Variants in SHTN1 observed in about 807,000 individuals in gnomAD.
SHTN1 encodes shootin-1.
A neutral mutation model predicts 83.1 loss-of-function variants in SHTN1; 42 were observed. The ratio of observed to expected loss-of-function variants is 0.51; its 90% CI spans 0.39 to 0.65. The LOEUF (loss-of-function observed/expected upper bound fraction) is 0.65, where lower values mean the gene tolerates loss of function less well. Among genes scored for constraint, SHTN1 ranks in the 30% least tolerant of loss-of-function variants. The pLI, the probability that SHTN1 is intolerant of heterozygous loss-of-function variation, is 0.00. For missense variants in SHTN1, 622 were observed against 737.8 expected (o/e 0.84, Z 1.82); for synonymous variants, 224 against 247.7 (o/e 0.90, Z 0.90).
At position 117,108,042 on chromosome 10, in the gene SHTN1, G is replaced by A. The variant is rs114405526; in HGVS notation, c.-189+18265C>T. ...TATCTTGAGCCGCCCAATGTTTGTC[G>A]TTTATGAAAAGTAGGATGAACCTAG... On this transcript the variant is annotated intron_variant, in intron 1 of 17. Coordinates refer to the SHTN1 transcript ENST00000392901. 5.0e-3 allele frequency among the ~76,000 whole-genome samples: 760 copies of A among 152,208 alleles called. 10 individuals are homozygous for A. The highest frequency in any genetic ancestry group is 0.017 in the African/African-American group (707 of 41,514).
At chr10:117,047,264 A>C (rs1319579056) in intron 2 of SHTN1, among the ~76,000 whole-genome samples, 3 of 151,990 alleles carry the variant, frequency 2.0e-5, no homozygotes, top group Non-Finnish European at 2.9e-5. Context: ...GTGAGGTTTC[A>C]CCATCTTGGC....
intron 1 of SHTN1, among the ~76,000 whole-genome samples, chr10:117,069,808 C>T (rs1042454909): frequency 6.6e-6 from 1 of 152,050 alleles, no homozygotes; most frequent in South Asian, 2.1e-4. Flanking sequence ...ATGGATGAGA[C>T]AGTGATTTAT....
intron 1 of SHTN1, among the ~76,000 whole-genome samples, chr10:117,108,752 T>C (rs1853714565): frequency 6.6e-6 from 1 of 152,052 alleles, no homozygotes; most frequent in Non-Finnish European, 1.5e-5. Context: ...CGTATTACCA[T>C]GGATACATAC....
chr10:117,027,911 A>G (rs1852353887), intron 2 of SHTN1, among the ~76,000 whole-genome samples: 1 of 152,324 alleles, frequency 6.6e-6, no homozygotes, highest in African/African-American at 2.4e-5. Flanking sequence ...GGAACTGGGT[A>G]ATGTGCAGAG....
Position 116,886,083 on chromosome 10 carries a change from A to G in SHTN1, c.*261T>C. 4.3e-6 allele frequency: 2 copies of G among 466,236 alleles called. No individual in the cohort carries two copies. The highest frequency in any genetic ancestry group is 7.5e-6 in the Non-Finnish European group (2 of 267,252). The allele number at this position is 466,236 out of a possible 1,614,324, so 28.9% of individuals were successfully genotyped here. A position where few individuals can be genotyped will look rare whatever the true frequency, so the allele number is the denominator to read the frequency against. On this transcript the variant is annotated 3_prime_UTR_variant, in exon 17 of 17. Transcript: ENST00000355371. ...GAATTTTTTTGTAACCTTCTAAAAG[A>G]AGTCATACTTAATACAGTAACTAGG...
At chr10:116,887,941 C>G (rs952016049) in intron 16 of SHTN1, among the ~76,000 whole-genome samples, 1 of 152,174 alleles carries the variant, frequency 6.6e-6, no homozygotes, top group South Asian at 2.1e-4. Flanking sequence ...CTGCATGACC[C>G]GGTCACGGGC....
intron 2 of SHTN1, among the ~76,000 whole-genome samples, chr10:117,028,928 G>A (rs746522380): frequency 2.0e-5 from 3 of 152,150 alleles, no homozygotes; most frequent in Admixed American, 6.5e-5. Context: ...ATGGAGCAGT[G>A]AGAAGAGGAC....
intron 2 of SHTN1, among the ~76,000 whole-genome samples, chr10:117,035,877 G>A: frequency 6.7e-6 from 1 of 150,038 alleles, no homozygotes; most frequent in East Asian, 2.0e-4. Context: ...AACCTGGGAG[G>A]TGGAGGTTCT....
At chr10:116,928,526 G>GT (rs1848828216) in intron 10 of SHTN1, among the ~76,000 whole-genome samples, 2 of 152,164 alleles carry the variant, frequency 1.3e-5, no homozygotes, top group South Asian at 2.1e-4. Context: ...TACAGGAGAC[G>GT]TAACACCTGA....
rs189366738 is a variant in SHTN1, at chr10:116,898,762, C to A, written c.1673+3003G>T. 4.4e-3 allele frequency among the ~76,000 whole-genome samples: 660 copies of A among 151,206 alleles called. 5 individuals carry two copies. The highest frequency in any genetic ancestry group is 0.013 in the African/African-American group (551 of 41,130). ...TCTTAAAAACAAACAAACAAACAAA[C>A]AAAAAAAACACCCTTGCTTTGCATA... On this transcript the variant is annotated intron_variant, in intron 16 of 16. Coordinates refer to ENST00000355371, the MANE Select transcript of SHTN1 (RefSeq NM_001127211.3).
chr10:117,024,343 CTT>C (rs1852300153), intron 2 of SHTN1, among the ~76,000 whole-genome samples: 1 of 134,998 alleles, frequency 7.4e-6, no homozygotes, highest in African/African-American at 2.8e-5. Flanking sequence ...CTTGTCAAAA[CTT>C]TTCTTTTTTT....
intron 1 of SHTN1, among the ~76,000 whole-genome samples, chr10:116,981,235 C>T (rs1008038079): frequency 1.3e-5 from 2 of 152,122 alleles, no homozygotes; most frequent in Non-Finnish European, 1.5e-5. Flanking sequence ...AGGAGAATCG[C>T]GTGAACCCGG....
intron 2 of SHTN1, among the ~76,000 whole-genome samples, chr10:117,025,290 G>C (rs1852315600): frequency 6.6e-6 from 1 of 152,130 alleles, no homozygotes; most frequent in Non-Finnish European, 1.5e-5. Flanking sequence ...CTGCCTTATA[G>C]CAGGAAACAA....
upstream of SHTN1, among the ~76,000 whole-genome samples, chr10:117,010,014 T>A (rs934713113): frequency 1.3e-5 from 2 of 151,880 alleles, no homozygotes; most frequent in Non-Finnish European, 2.9e-5. Context: ...ATCAATAAGG[T>A]AACTGTACAC....
chr10:116,916,786 CA>C (rs1848399533), intron 12 of SHTN1, among the ~76,000 whole-genome samples: 2 of 152,228 alleles, frequency 1.3e-5, no homozygotes, highest in African/African-American at 2.4e-5. Context: ...TACAAGTCCA[CA>C]ATAAGGGATC....
At chr10:117,024,906 C>T (rs1327609029) in intron 2 of SHTN1, among the ~76,000 whole-genome samples, 1 of 152,130 alleles carries the variant, frequency 6.6e-6, no homozygotes, top group Non-Finnish European at 1.5e-5. Flanking sequence ...CTGTACAATT[C>T]TTTCAACTTT....
rs1027748544 is a variant in SHTN1 at position 116,901,445 on chromosome 10, T to C, written c.1673+320A>G. On this transcript the variant is annotated intron_variant, in intron 16 of 16. Transcript: ENST00000355371. ...ATGAACCATTAAGAGGGATGATCGA[T>C]GTATTTAATCTTGAAAGACTGATTG... 6.1e-6 allele frequency: 6 copies of C among 985,350 alleles called. No individual in the cohort carries two copies. In the African/African-American group the frequency reaches 8.7e-5, roughly 14 times the overall value. 61.0% of individuals were successfully genotyped at this position (985,350 alleles called of 1,614,324 possible). A position where few individuals can be genotyped will look rare whatever the true frequency, so the allele number is the denominator to read the frequency against.
intron 1 of SHTN1, among the ~76,000 whole-genome samples, chr10:117,110,784 C>T (rs1462999486): frequency 6.6e-6 from 1 of 152,186 alleles, no homozygotes; most frequent in East Asian, 1.9e-4. Context: ...ATTCACAGTG[C>T]CATACTATGT....
intron 7 of SHTN1, 125 bp from the exon 8 acceptor site, chr10:116,945,143 GTT>G: frequency 1.5e-6 from 1 of 657,916 alleles, no homozygotes. Context: ...TGCATTCCTG[GTT>G]GGCATACAAA....
Sources: gnomAD v4.1 joint callset for allele counts (sites outside exome capture counted in the v4.1 genomes callset) on GRCh38, gnomAD v4.1.1 for gene constraint, MANE v1.5 for transcripts, NCBI Gene and HGNC (gene_info 2026-07-23, HGNC 2026-07-21) for gene names.